The following C7orf57 variants were observed in gnomAD, a reference collection of about 807,000 sequenced individuals.
The protein encoded by C7orf57 is uncharacterized protein C7orf57.
A neutral mutation model predicts 39.0 loss-of-function variants in C7orf57; 33 were observed. The ratio of observed to expected loss-of-function variants is 0.85; its 90% CI spans 0.64 to 1.13. The LOEUF (loss-of-function observed/expected upper bound fraction) is 1.13. C7orf57 is among the 50% of genes most tolerant of loss of function. C7orf57 has a pLI of 0.00. For missense variants in C7orf57, 346 were observed against 362.3 expected (o/e 0.95, Z 0.37); for synonymous variants, 124 against 137.1 (o/e 0.90, Z 0.67).
Position 48,050,141 on chromosome 7 carries a change from G to C in C7orf57, c.605+164G>C, listed in dbSNP as rs151087269. Among the ~76,000 whole-genome samples, 11 of 152,334 alleles carry C rather than the reference G, an allele frequency of 7.2e-5. No homozygotes were observed. The South Asian group carries it at 1.7e-3, about 23-fold the overall frequency. On this transcript the variant is annotated intron_variant, in intron 6 of 8. Coordinates refer to ENST00000348904, the MANE Select transcript of C7orf57 (RefSeq NM_001100159.3). Reference sequence around the variant, plus strand: ...CTGTCGCCTCCTCACTGTGGTTTCTGTTCCTTCCTAATGTCATTTTGCCCC... The same window carrying C: ...CTGTCGCCTCCTCACTGTGGTTTCTCTTCCTTCCTAATGTCATTTTGCCCC...
intron 6 of C7orf57, among the ~76,000 whole-genome samples, chr7:48,051,820 TTTC>T (rs1270065103): frequency 3.7e-4 from 5 of 13,492 alleles, no homozygotes; most frequent in Admixed American, 3.5e-3. Context: ...TTCTCTTCTC[TTTC>T]TTTCTTTCTT....
chr7:48,041,372 G>T lies in C7orf57; in HGVS notation c.94G>T (p.Ala32Ser). ...YHVPVKRSEK[A>S]VDAPPASQIP... ...CGTCCCAGTGAAGCGCTCTGAGAAGGCCGTGGATGCCCCACCAGCGTCCCA... is the reference window on the plus strand; with the variant it reads ...CGTCCCAGTGAAGCGCTCTGAGAAGTCCGTGGATGCCCCACCAGCGTCCCA... The change falls in exon 3 of 9, where the codon GCC becomes TCC. Residue 32 changes from alanine (A) to serine (S), a missense_variant. Ala to Ser is a moderately conservative substitution (Grantham distance 99, BLOSUM62 1). Coordinates refer to ENST00000348904, the MANE Select transcript of C7orf57 (RefSeq NM_001100159.3). 2 of 1,613,900 alleles carry T rather than the reference G, an allele frequency of 1.2e-6. No homozygotes were observed. The highest frequency in any genetic ancestry group is 1.1e-5 in the South Asian group (1 of 91,056).
At position 48,041,453 on chromosome 7, in the gene C7orf57, C is replaced by A. The variant is rs773201141; in HGVS notation, c.175C>A (p.Arg59=). 2.5e-6 allele frequency: 4 copies of A among 1,613,522 alleles called. No homozygotes were observed. The highest frequency in any genetic ancestry group is 2.2e-5 in the South Asian group (2 of 91,024). ...ACACAGCGAGAACCTGCCTGGGACT[C>A]GGAGATACTGGATAAAAGAAACAGA... ...DSHSENLPGT[R]RYWIKETDSE... Residue 59 remains arginine (R), a synonymous_variant, in exon 3 of 9, where the codon CGG becomes AGG. Transcript: ENST00000348904.
intron 8 of C7orf57, among the ~76,000 whole-genome samples, chr7:48,059,764 A>G (rs1359352560): frequency 6.6e-6 from 1 of 152,148 alleles, no homozygotes; most frequent in Non-Finnish European, 1.5e-5. Context: ...AAAGCTGGGC[A>G]TTAGGAAACT....
Position 48,046,634 on chromosome 7 carries a change from A to G in C7orf57, c.507+18A>G. 1 of 1,605,422 alleles carries G rather than the reference A, an allele frequency of 6.2e-7. No individual in the cohort carries two copies. Among genetic ancestry groups the G allele is most frequent in the Non-Finnish European group, 8.5e-7 (1 of 1,175,892 alleles). Reference sequence around the variant, plus strand: ...AAAAAAAGGTGACGGGAGCCCATAAATAGACGGCATCCGCATCCGCTTTGC... The same window carrying G: ...AAAAAAAGGTGACGGGAGCCCATAAGTAGACGGCATCCGCATCCGCTTTGC... On this transcript the variant is annotated intron_variant, in intron 5 of 8. Transcript: ENST00000348904.
intron 2 of C7orf57, among the ~76,000 whole-genome samples, chr7:48,037,022 T>G (rs1238016697): frequency 6.6e-6 from 1 of 152,130 alleles, no homozygotes; most frequent in African/African-American, 2.4e-5. Flanking sequence ...CTGGGACAGC[T>G]GAGTTGCAGC....
chr7:48,041,788 T>G (rs1323527058), intron 3 of C7orf57: 1 of 233,560 alleles, frequency 4.3e-6, no homozygotes. Context: ...GATTCAACCC[T>G]TCCCTCACCC....
At chr7:48,057,333 G>C (rs768547067) in intron 8 of C7orf57, among the ~76,000 whole-genome samples, 8 of 151,982 alleles carry the variant, frequency 5.3e-5, no homozygotes, top group Non-Finnish European at 1.0e-4. Flanking sequence ...CAGTGTACAG[G>C]TCTTTCACCT....
intron 7 of C7orf57, 183 bp downstream of exon 7, chr7:48,053,106 C>T: frequency 1.4e-6 from 1 of 698,538 alleles, no homozygotes; most frequent in Non-Finnish European, 2.6e-6. Flanking sequence ...TTTGCTCTTT[C>T]CTCTTTATTC....
intron 8 of C7orf57, among the ~76,000 whole-genome samples, chr7:48,059,978 GC>G (rs1791244685): frequency 1.3e-5 from 2 of 152,186 alleles, no homozygotes; most frequent in South Asian, 4.1e-4. Context: ...CCATACACAG[GC>G]AAAACTCATG....
At chr7:48,052,953 T>G in intron 7 of C7orf57, 30 bp downstream of exon 7, 1 of 1,551,002 alleles carries the variant, frequency 6.4e-7, no homozygotes, top group African/African-American at 1.4e-5. Flanking sequence ...CTGCATTTAT[T>G]GGAGGCTTGG....
At chr7:48,049,805 A>G (rs1038566348) in intron 5 of C7orf57, 75 bp from the exon 6 acceptor site, 7 of 1,064,768 alleles carry the variant, frequency 6.6e-6, no homozygotes, top group Non-Finnish European at 1.0e-5. Context: ...TATCTTTGCT[A>G]CCATTAGTGA....
At chr7:48,038,463 T>C (rs2128789853) in intron 2 of C7orf57, among the ~76,000 whole-genome samples, 1 of 152,192 alleles carries the variant, frequency 6.6e-6, no homozygotes, top group East Asian at 1.9e-4. Flanking sequence ...CTCACGTAAT[T>C]GTGGAGTCTG....
intron 6 of C7orf57, among the ~76,000 whole-genome samples, chr7:48,051,664 CTTCCTTT>C (rs1376657643): frequency 1.4e-4 from 21 of 148,536 alleles, no homozygotes; most frequent in Admixed American, 1.2e-3. Context: ...CCCTTCCTTT[CTTCCTTT>C]CTTCCTTCCT....
chr7:48,052,968 T>C (rs1791004421), intron 7 of C7orf57, 45 bp downstream of exon 7: 13 of 1,458,678 alleles, frequency 8.9e-6, no homozygotes, highest in South Asian at 1.2e-5. Flanking sequence ...GCTTGGTTAA[T>C]TGTGATGCAG....
chr7:48,043,645 C>G, intron 4 of C7orf57, 56 bp downstream of exon 4: 1 of 1,337,004 alleles, frequency 7.5e-7, no homozygotes, highest in Non-Finnish European at 1.1e-6. Context: ...AAAAATAGCC[C>G]AATTTTAATT....
At chr7:48,053,670 C>G (rs572495557) in intron 7 of C7orf57, among the ~76,000 whole-genome samples, 100 of 152,294 alleles carry the variant, frequency 6.6e-4, no homozygotes, top group Non-Finnish European at 1.1e-3. Context: ...CGGCTGGTCT[C>G]AAACTCCTGG....
intron 8 of C7orf57, among the ~76,000 whole-genome samples, chr7:48,057,225 C>A (rs1791142088): frequency 6.6e-6 from 1 of 152,026 alleles, no homozygotes; most frequent in African/African-American, 2.4e-5. Context: ...GTAGTATGGA[C>A]ATTTTGACAA....
intron 4 of C7orf57, 98 bp downstream of exon 4, chr7:48,043,687 A>G: frequency 1.1e-6 from 1 of 910,108 alleles, no homozygotes. Context: ...AGTGGTAGCA[A>G]GCATGTGATA....
Sources: allele counts gnomAD v4.1 joint callset (sites outside exome capture counted in the v4.1 genomes callset), GRCh38; gene constraint gnomAD v4.1.1; transcripts MANE v1.5; gene names NCBI Gene and HGNC (gene_info 2026-07-23, HGNC 2026-07-21).